The following IL12RB2 variants were observed in gnomAD, a reference collection of about 807,000 sequenced individuals.
IL12RB2 encodes the protein interleukin 12 receptor subunit beta 2.
Under a neutral mutation model 89.4 loss-of-function variants are expected in IL12RB2, and 82 were observed. The ratio of observed to expected loss-of-function variants is 0.92; its 90% CI spans 0.77 to 1.10. The LOEUF (loss-of-function observed/expected upper bound fraction) is 1.10. Ranked by LOEUF, IL12RB2 falls within the 50% of genes least tolerant of loss-of-function variation. The probability of loss-of-function intolerance (pLI) is 0.00; values close to 1 mark genes in which losing one functional copy is unlikely to be tolerated. For missense variants in IL12RB2, 963 were observed against 1,031.9 expected (o/e 0.93, Z 0.92); for synonymous variants, 368 against 370.1 (o/e 0.99, Z 0.07).
At chr1:67,342,744 A>G (rs1659784815) in intron 9 of IL12RB2, among the ~76,000 whole-genome samples, 1 of 142,574 alleles carries the variant, frequency 7.0e-6, no homozygotes, top group Non-Finnish European at 1.5e-5. Context: ...ATCTTGTACT[A>G]CTTTTTAAAA....
chr1:67,317,283 G>T (rs1655898585), intron 2 of IL12RB2, among the ~76,000 whole-genome samples: 1 of 152,130 alleles, frequency 6.6e-6, no homozygotes, highest in African/African-American at 2.4e-5. Flanking sequence ...GGACTTTTTG[G>T]TTTAGAGACA....
At chr1:67,358,939 C>T (rs1340372313) in intron 10 of IL12RB2, among the ~76,000 whole-genome samples, 1 of 151,888 alleles carries the variant, frequency 6.6e-6, no homozygotes, top group Non-Finnish European at 1.5e-5. Context: ...GCCAGGAGTT[C>T]GAGACCAGCC....
At chr1:67,339,244 T>C (rs904647703) in intron 9 of IL12RB2, among the ~76,000 whole-genome samples, 8 of 152,028 alleles carry the variant, frequency 5.3e-5, no homozygotes, top group African/African-American at 1.9e-4. Context: ...CCCAGCACTT[T>C]GGGAGGCCAA....
chr1:67,312,381 G>C (rs920017118), intron 1 of IL12RB2, among the ~76,000 whole-genome samples: 33 of 152,160 alleles, frequency 2.2e-4, no homozygotes, highest in African/African-American at 7.2e-4. Context: ...ATTTGAAAGT[G>C]TCTTGTTTCT....
intron 4 of IL12RB2, among the ~76,000 whole-genome samples, chr1:67,322,877 T>C (rs1486603980): frequency 1.3e-5 from 2 of 152,190 alleles, no homozygotes; most frequent in Non-Finnish European, 2.9e-5. Flanking sequence ...GTTCGCAACC[T>C]GTGGCCCATA....
intron 9 of IL12RB2, among the ~76,000 whole-genome samples, chr1:67,345,421 GA>G (rs1660108302): frequency 6.6e-6 from 1 of 152,166 alleles, no homozygotes; most frequent in Non-Finnish European, 1.5e-5. Flanking sequence ...CTCATATGCA[GA>G]ATATTCCAAC....
chr1:67,346,512 A>G (rs1359580978), intron 9 of IL12RB2, among the ~76,000 whole-genome samples: 2 of 150,714 alleles, frequency 1.3e-5, no homozygotes, highest in Non-Finnish European at 2.9e-5. Context: ...TCAGCCTCTC[A>G]AGTAGCTGTG....
chr1:67,378,028 C>T (rs949101948), intron 13 of IL12RB2, among the ~76,000 whole-genome samples: 11 of 151,976 alleles, frequency 7.2e-5, no homozygotes, highest in African/African-American at 1.2e-4. Flanking sequence ...CGGGAGGCCA[C>T]GGTGGGAGAA....
intron 1 of IL12RB2, among the ~76,000 whole-genome samples, chr1:67,308,421 G>C (rs887756587): frequency 1.3e-5 from 2 of 152,060 alleles, no homozygotes; most frequent in African/African-American, 4.8e-5. Context: ...TAAGATATTG[G>C]GGGGGGCCTT....
At chr1:67,355,889 T>C (rs1661340259) in intron 10 of IL12RB2, among the ~76,000 whole-genome samples, 1 of 152,194 alleles carries the variant, frequency 6.6e-6, no homozygotes, top group Non-Finnish European at 1.5e-5. Flanking sequence ...GCAAGTGTGG[T>C]GACTCAGAGA....
intron 13 of IL12RB2, among the ~76,000 whole-genome samples, chr1:67,379,066 A>G (rs1422632926): frequency 6.6e-6 from 1 of 150,668 alleles, no homozygotes; most frequent in East Asian, 2.0e-4. Context: ...GCATGGTGGC[A>G]CACACCTGTA....
At chr1:67,324,501 A>AC (rs1558302222) in intron 4 of IL12RB2, among the ~76,000 whole-genome samples, 1 of 151,926 alleles carries the variant, frequency 6.6e-6, no homozygotes, top group African/African-American at 2.4e-5. Flanking sequence ...GATTATAGAC[A>AC]CGCACCACCA....
chr1:67,337,782 T>A (rs1658957983), intron 8 of IL12RB2, among the ~76,000 whole-genome samples: 1 of 151,940 alleles, frequency 6.6e-6, no homozygotes, highest in African/African-American at 2.4e-5. Context: ...CCATGATAAG[T>A]CTAGGAATGG....
intron 16 of IL12RB2, among the ~76,000 whole-genome samples, chr1:67,393,890 CCT>C (rs1666088638): frequency 6.6e-6 from 1 of 150,550 alleles, no homozygotes; most frequent in African/African-American, 2.4e-5. Flanking sequence ...TCCTACTCCT[CCT>C]GTAAGACATG....
At chr1:67,365,666 C>G (rs1438045823) in intron 10 of IL12RB2, among the ~76,000 whole-genome samples, 2 of 151,674 alleles carry the variant, frequency 1.3e-5, no homozygotes, top group Non-Finnish European at 2.9e-5. Context: ...GATGAGATGC[C>G]AAATGTGATG....
rs762368367 is a variant in IL12RB2, at chr1:67,321,708, C to T, written c.183C>T (p.His61=). The change falls in exon 4 of 17, where the codon CAC becomes CAT. Residue 61 remains histidine, a synonymous_variant. Coordinates refer to ENST00000674203, the MANE Select transcript of IL12RB2 (RefSeq NM_001374259.2). ...CSLKPRQGCF[H]YSRRNKLILY... ...TGAAGCCCAGACAAGGCTGCTTTCA[C>T]TATTCCAGACGTAACAAGTTAATCC... 1.2e-6 allele frequency: 2 copies of T among 1,610,658 alleles called. No homozygotes were observed.
intron 14 of IL12RB2, among the ~76,000 whole-genome samples, chr1:67,383,572 G>C (rs1371881690): frequency 1.3e-5 from 2 of 152,116 alleles, no homozygotes; most frequent in Admixed American, 6.5e-5. Context: ...TTACTTCCTA[G>C]ATATAAAGGG....
chr1:67,363,064 G>C (rs17129874), intron 10 of IL12RB2, among the ~76,000 whole-genome samples: 125 of 148,776 alleles, frequency 8.4e-4, no homozygotes, highest in African/African-American at 3.1e-3. Context: ...CACCACACCC[G>C]GTTAATTTTT....
chr1:67,354,410 A>G (rs1661162423), intron 10 of IL12RB2, among the ~76,000 whole-genome samples: 1 of 152,176 alleles, frequency 6.6e-6, no homozygotes, highest in Admixed American at 6.5e-5. Context: ...GATGATGAGG[A>G]GCCAGTGACC....
Sources: gnomAD v4.1 joint callset for allele counts (sites outside exome capture counted in the v4.1 genomes callset) on GRCh38, gnomAD v4.1.1 for gene constraint, MANE v1.5 for transcripts, NCBI Gene and HGNC (gene_info 2026-07-23, HGNC 2026-07-21) for gene names.